The following PLCL1 variants were observed in gnomAD, a reference collection of about 807,000 sequenced individuals.
PLCL1 encodes the protein inactive phospholipase C-like protein 1.
PLCL1 carries 41 observed loss-of-function variants against 84.4 expected under a neutral mutation model. The ratio of observed to expected loss-of-function variants is 0.49; its 90% CI spans 0.38 to 0.63. PLCL1 has a LOEUF of 0.63. PLCL1 is among the 30% of genes least tolerant of loss of function. The pLI is 0.00. For missense variants in PLCL1, 1,206 were observed against 1,367.8 expected, an observed-to-expected ratio of 0.88 and a Z score of 1.87; for synonymous variants, 490 against 488.3, an observed-to-expected ratio of 1.00 and a Z score of -0.05.
At chr2:197,969,823 T>C (rs1336361096) in intron 1 of PLCL1, among the ~76,000 whole-genome samples, 1 of 152,212 alleles carries the variant, frequency 6.6e-6, no homozygotes, top group African/African-American at 2.4e-5. Context: ...TCCTATTCAC[T>C]GTGATGGTAT....
At chr2:197,882,325 A>T (rs762212822) in intron 1 of PLCL1, among the ~76,000 whole-genome samples, 7 of 152,174 alleles carry the variant, frequency 4.6e-5, no homozygotes, top group Non-Finnish European at 8.8e-5. Context: ...GTGCATCTTG[A>T]GGAAATATAT....
At position 198,099,193 on chromosome 2, in the gene PLCL1, C is replaced by T. The variant is rs116332710; in HGVS notation, c.2920-2092C>T. ...TCATGGCTGAGTCGTGCTGACTTCCCGGCTCAGGGATTATCTGAGGACATC... is the reference window on the plus strand; with the variant it reads ...TCATGGCTGAGTCGTGCTGACTTCCTGGCTCAGGGATTATCTGAGGACATC... On this transcript the variant is annotated intron_variant, in intron 3 of 5. Transcript: ENST00000428675. Among the ~76,000 whole-genome samples, 194 of 152,152 alleles carry T rather than the reference C, an allele frequency of 1.3e-3. 1 individual carries two copies. Among genetic ancestry groups the T allele is most frequent in the African/African-American group, 4.1e-3 (171 of 41,508 alleles).
At chr2:197,874,592 A>C (rs1559032005) in intron 1 of PLCL1, among the ~76,000 whole-genome samples, 2 of 152,148 alleles carry the variant, frequency 1.3e-5, no homozygotes, top group African/African-American at 4.8e-5. Context: ...TAAACACTTT[A>C]TTTGAAATTT....
chr2:198,026,429 G>A (rs536696263), intron 1 of PLCL1, among the ~76,000 whole-genome samples: 1 of 152,252 alleles, frequency 6.6e-6, no homozygotes, highest in African/African-American at 2.4e-5. Flanking sequence ...TGGAGGGAGA[G>A]AGAGAATTAA....
At chr2:197,853,255 A>G (rs538622255) in intron 1 of PLCL1, among the ~76,000 whole-genome samples, 1 of 152,106 alleles carries the variant, frequency 6.6e-6, no homozygotes, top group African/African-American at 2.4e-5. Flanking sequence ...TATTTTGTTT[A>G]TCCATTCGTC....
intron 5 of PLCL1, among the ~76,000 whole-genome samples, chr2:198,130,926 T>C (rs1364353450): frequency 6.6e-6 from 1 of 152,146 alleles, no homozygotes; most frequent in East Asian, 1.9e-4. Flanking sequence ...AAGCTGGTCA[T>C]GGCCATTCTC....
At chr2:197,837,197 G>A (rs1433481116) in intron 1 of PLCL1, among the ~76,000 whole-genome samples, 2 of 152,260 alleles carry the variant, frequency 1.3e-5, no homozygotes, top group Admixed American at 6.5e-5. Flanking sequence ...AGGCTTTGAG[G>A]TGAAGATGGG....
At chr2:197,915,048 C>T (rs949575137) in intron 1 of PLCL1, among the ~76,000 whole-genome samples, 3 of 152,158 alleles carry the variant, frequency 2.0e-5, no homozygotes, top group African/African-American at 7.2e-5. Context: ...GAGCTCTTCC[C>T]AAGGAGCCAA....
intron 5 of PLCL1, among the ~76,000 whole-genome samples, chr2:198,145,649 G>T (rs1426532544): frequency 6.6e-6 from 1 of 152,198 alleles, no homozygotes; most frequent in East Asian, 1.9e-4. Context: ...ATTAAAAGCT[G>T]CTATTAGAAG....
intron 1 of PLCL1, among the ~76,000 whole-genome samples, chr2:197,816,083 T>C (rs1220056500): frequency 6.6e-6 from 1 of 152,144 alleles, no homozygotes; most frequent in African/African-American, 2.4e-5. Flanking sequence ...CAGCATTGTA[T>C]GCTACAGATA....
intron 5 of PLCL1, among the ~76,000 whole-genome samples, chr2:198,110,390 T>G (rs941244536): frequency 1.3e-5 from 2 of 151,948 alleles, no homozygotes; most frequent in African/African-American, 4.8e-5. Flanking sequence ...GTTATGTTTC[T>G]AACCCAGGCA....
chr2:197,805,029 C>A lies in PLCL1; in HGVS notation c.-71C>A. 1 of 1,409,938 alleles carries A rather than the reference C, an allele frequency of 7.1e-7. No individual in the cohort carries two copies. 87.3% of individuals were successfully genotyped at this position (1,409,938 alleles called of 1,614,324 possible). Reference sequence around the variant, plus strand: ...GCCGCCTCCCGGTGCAGGAGCGCACCGGTGCCTAGCGGCTGGACTCCGCTG... The same window carrying A: ...GCCGCCTCCCGGTGCAGGAGCGCACAGGTGCCTAGCGGCTGGACTCCGCTG... On this transcript the variant is annotated 5_prime_UTR_variant, in exon 1 of 6. Transcript: ENST00000428675. This position sits in a 1 kb window ranked among gnomAD's most constrained non-coding sequence, Gnocchi z 4.0.
At chr2:197,844,688 C>T (rs563508022) in intron 1 of PLCL1, among the ~76,000 whole-genome samples, 1 of 151,974 alleles carries the variant, frequency 6.6e-6, no homozygotes, top group South Asian at 2.1e-4. Context: ...GTATTATATT[C>T]TAGCTATTTG....
intron 1 of PLCL1, among the ~76,000 whole-genome samples, chr2:197,942,092 CTGTT>C (rs1237764460): frequency 6.6e-6 from 1 of 152,146 alleles, no homozygotes; most frequent in Non-Finnish European, 1.5e-5. Context: ...TTGTTTTTAA[CTGTT>C]TGTTCTGGTA....
chr2:197,893,031 A>C (rs1049895328), intron 1 of PLCL1, among the ~76,000 whole-genome samples: 4 of 152,158 alleles, frequency 2.6e-5, no homozygotes, highest in Non-Finnish European at 4.4e-5. Flanking sequence ...AACGCTTTTG[A>C]GTAGGAGGAA....
chr2:198,122,030 G>A (rs1693879795), intron 5 of PLCL1, among the ~76,000 whole-genome samples: 1 of 151,978 alleles, frequency 6.6e-6, no homozygotes, highest in Admixed American at 6.6e-5. Flanking sequence ...ATATACATAT[G>A]TACACAGATA....
intron 1 of PLCL1, among the ~76,000 whole-genome samples, chr2:197,919,555 A>G (rs186982494): frequency 6.4e-4 from 97 of 152,338 alleles, no homozygotes; most frequent in African/African-American, 2.2e-3. Flanking sequence ...GTTCTGCTCC[A>G]AAATATTTTG....
chr2:197,863,434 A>T (rs987333834), intron 1 of PLCL1, among the ~76,000 whole-genome samples: 13 of 152,144 alleles, frequency 8.5e-5, no homozygotes, highest in African/African-American at 2.9e-4. Context: ...GTGATCGATT[A>T]TTGCATGTTT....
rs115200928 is a variant in PLCL1 at position 197,934,113 on chromosome 2, G to A, written c.240+128774G>A. Among the ~76,000 whole-genome samples, 424 of 152,248 alleles carry A rather than the reference G, an allele frequency of 2.8e-3. 1 individual carries two copies. The highest frequency in any genetic ancestry group is 9.7e-3 in the African/African-American group (402 of 41,538). ...ATATTAGCAGCTATACTTAAAATAT[G>A]AGTGTTTTAAAATGATTGTGTTTAT... On this transcript the variant is annotated intron_variant, in intron 1 of 5. Coordinates refer to ENST00000428675, the MANE Select transcript of PLCL1 (RefSeq NM_006226.4).
Sources: allele counts gnomAD v4.1 joint callset (sites outside exome capture counted in the v4.1 genomes callset), GRCh38; gene constraint gnomAD v4.1.1; non-coding constraint Gnocchi (gnomAD v3.1); transcripts MANE v1.5; gene names NCBI Gene and HGNC (gene_info 2026-07-23, HGNC 2026-07-21).